Variants in ANKS1B observed in about 807,000 individuals in gnomAD.
ANKS1B encodes the protein ankyrin repeat and sterile alpha motif domain containing 1B, also known as ankyrin repeat and sterile alpha motif domain-containing protein 1B.
A neutral mutation model predicts 148.3 loss-of-function variants in ANKS1B; 36 were observed. The ratio of observed to expected loss-of-function variants is 0.24; its 90% CI spans 0.19 to 0.32. The LOEUF is 0.32. ANKS1B is among the 10% of genes least tolerant of loss of function. The pLI, the probability that ANKS1B is intolerant of heterozygous loss-of-function variation, is 1.00. For missense variants in ANKS1B, 1,157 were observed against 1,542.6 expected (o/e 0.75, Z 4.19); for synonymous variants, 542 against 560.8 (o/e 0.97, Z 0.47).
intron 1 of ANKS1B, among the ~76,000 whole-genome samples, chr12:99,843,085 T>C (rs752585185): frequency 5.3e-5 from 8 of 152,224 alleles, no homozygotes; most frequent in Middle Eastern, 3.4e-3. Context: ...TTCCAACTTT[T>C]AGGTTCAAGG....
chr12:99,573,529 G>A (rs910623297), intron 9 of ANKS1B, among the ~76,000 whole-genome samples: 2 of 151,806 alleles, frequency 1.3e-5, no homozygotes, highest in Non-Finnish European at 2.9e-5. Context: ...TCTCTTTATT[G>A]TATGTATCTG....
intron 1 of ANKS1B, among the ~76,000 whole-genome samples, chr12:99,931,505 AGCAT>A (rs2094614381): frequency 6.6e-6 from 1 of 152,212 alleles, no homozygotes; most frequent in African/African-American, 2.4e-5. Context: ...GCTATATAGA[AGCAT>A]TCATTCTAAA....
intron 8 of ANKS1B, among the ~76,000 whole-genome samples, chr12:99,663,107 C>T (rs1038047543): frequency 2.6e-5 from 4 of 151,852 alleles, no homozygotes; most frequent in Non-Finnish European, 5.9e-5. Context: ...CTTTTAAAAC[C>T]GGGGATCTAA....
At chr12:99,886,784 T>C (rs777293719) in intron 1 of ANKS1B, among the ~76,000 whole-genome samples, 70 of 152,344 alleles carry the variant, frequency 4.6e-4, no homozygotes, top group South Asian at 8.3e-4. Context: ...CATATGAGTC[T>C]ACTAACTGTT....
chr12:99,074,117 G>A (rs1362173859), intron 16 of ANKS1B, among the ~76,000 whole-genome samples: 1 of 152,126 alleles, frequency 6.6e-6, no homozygotes, highest in Non-Finnish European at 1.5e-5. Context: ...ACAGATTGCA[G>A]GATAACTCCA....
chr12:98,955,413 G>A (rs996479808), intron 17 of ANKS1B, among the ~76,000 whole-genome samples: 2 of 152,108 alleles, frequency 1.3e-5, no homozygotes, highest in Non-Finnish European at 2.9e-5. Context: ...GCTTGCAGGA[G>A]AATGACAGGA....
At chr12:99,553,315 C>A (rs1272612047) in intron 9 of ANKS1B, among the ~76,000 whole-genome samples, 3 of 152,102 alleles carry the variant, frequency 2.0e-5, no homozygotes, top group Admixed American at 6.6e-5. Flanking sequence ...TTAATATTTT[C>A]CTTAAATGAA....
chr12:99,185,462 C>T (rs140710793), intron 14 of ANKS1B, among the ~76,000 whole-genome samples: 2 of 152,216 alleles, frequency 1.3e-5, no homozygotes, highest in Admixed American at 6.5e-5. Context: ...GCAAGATGGA[C>T]GAATAGGAAT....
chr12:99,645,596 A>C (rs1050168114), intron 9 of ANKS1B, among the ~76,000 whole-genome samples: 22 of 152,226 alleles, frequency 1.4e-4, no homozygotes, highest in African/African-American at 5.3e-4. Flanking sequence ...ATTTATTTTA[A>C]TATATCTAGT....
intron 14 of ANKS1B, among the ~76,000 whole-genome samples, chr12:99,182,936 T>C (rs2079303048): frequency 6.6e-6 from 1 of 152,208 alleles, no homozygotes; most frequent in Non-Finnish European, 1.5e-5. Flanking sequence ...CTTTTATATG[T>C]CTCTTTGCCA....
intron 1 of ANKS1B, among the ~76,000 whole-genome samples, chr12:99,945,469 T>C (rs772769896): frequency 7.2e-5 from 11 of 152,062 alleles, no homozygotes; most frequent in East Asian, 5.8e-4. Flanking sequence ...AGATTGAAGT[T>C]TGTAGTAGTA....
intron 15 of ANKS1B, among the ~76,000 whole-genome samples, chr12:99,105,286 T>C (rs2058909787): frequency 6.6e-6 from 1 of 152,114 alleles, no homozygotes; most frequent in Non-Finnish European, 1.5e-5. Context: ...TCTGCTTGGG[T>C]ACCCGTTTTT....
intron 8 of ANKS1B, among the ~76,000 whole-genome samples, chr12:99,755,034 AAAATCCAAAAGATTAAC>A (rs1172683002): frequency 3.3e-5 from 5 of 151,652 alleles, no homozygotes; most frequent in African/African-American, 1.2e-4. Flanking sequence ...CACGACAAAA[AAAATCCAAAAGATTAAC>A]AAATCCAGGA....
intron 9 of ANKS1B, among the ~76,000 whole-genome samples, chr12:99,595,681 A>T (rs1275856627): frequency 6.6e-6 from 1 of 151,966 alleles, no homozygotes; most frequent in Non-Finnish European, 1.5e-5. Context: ...AGAAAAGAAG[A>T]TTCAAGTAAA....
In ANKS1B at chr12:98,773,045, A is replaced by G. The variant is rs374589475; in HGVS notation, c.3576T>C (p.Asp1192=). 3 of 1,613,892 alleles carry G rather than the reference A, an allele frequency of 1.9e-6. No individual in the cohort carries two copies. Among genetic ancestry groups the G allele is most frequent in the African/African-American group, 2.7e-5 (2 of 74,954 alleles). Residue 1192 remains aspartate, a synonymous_variant, in exon 25 of 27, where the codon GAT becomes GAC. Coordinates refer to ENST00000683438, the MANE Select transcript of ANKS1B (RefSeq NM_001352186.2). ...HHYCHVFTAF[D]VNLAYEIILT... is the part of the protein sequence containing the mutation. Reference sequence around the variant, plus strand: ...TTGAAAGGGGGTGGGTACTCACCACATCAAAGGCAGTAAACACATGACAGT... The same window carrying G: ...TTGAAAGGGGGTGGGTACTCACCACGTCAAAGGCAGTAAACACATGACAGT...
At chr12:98,907,438 T>C (rs2099780841) in intron 17 of ANKS1B, among the ~76,000 whole-genome samples, 1 of 152,182 alleles carries the variant, frequency 6.6e-6, no homozygotes, top group Admixed American at 6.5e-5. Flanking sequence ...CTCATGCTGG[T>C]CCTGCTCAGG....
At chr12:98,799,791 C>T (rs57913971) in intron 21 of ANKS1B, among the ~76,000 whole-genome samples, 4,404 of 152,196 alleles carry the variant, frequency 0.029, 117 homozygotes, top group East Asian at 0.13. Context: ...AATTGACTCC[C>T]CTTCAACCTT....
chr12:99,164,747 C>A (rs1250626988), intron 14 of ANKS1B, among the ~76,000 whole-genome samples: 1 of 152,038 alleles, frequency 6.6e-6, no homozygotes, highest in African/African-American at 2.4e-5. Context: ...TATTCCCAAC[C>A]AGTTCCTAGG....
chr12:99,380,758 T>C lies in ANKS1B; in HGVS notation c.1756+18873A>G, dbSNP rs1280208886. Among the ~76,000 whole-genome samples the C allele has an allele frequency of 3.7e-5, 3 of 81,074 alleles. No homozygotes were observed. In the East Asian group the frequency reaches 1.0e-3, roughly 28 times the overall value. The allele number at this position is 81,074 out of a possible 152,430, so 53.2% of individuals were successfully genotyped here. On this transcript the variant is annotated intron_variant, in intron 12 of 26. Coordinates refer to ENST00000683438, the MANE Select transcript of ANKS1B (RefSeq NM_001352186.2). ...CTTGTTGATCAGTTTCCTTTCCTCC[T>C]TCCTTCCTTCCTTCCTTCCTTCCTT... is the stretch of plus-strand genomic sequence containing the variant.
Sources: allele counts gnomAD v4.1 joint callset (sites outside exome capture counted in the v4.1 genomes callset), GRCh38; gene constraint gnomAD v4.1.1; transcripts MANE v1.5; gene names NCBI Gene and HGNC (gene_info 2026-07-23, HGNC 2026-07-21).